The following B3GLCT variants were observed in gnomAD, a reference collection of about 807,000 sequenced individuals.
B3GLCT encodes the protein beta-1,3-glucosyltransferase.
A neutral mutation model predicts 63.4 loss-of-function variants in B3GLCT; 65 were observed. The ratio of observed to expected loss-of-function variants is 1.03; its 90% CI spans 0.84 to 1.26. The LOEUF (loss-of-function observed/expected upper bound fraction) is 1.26. Ranked by LOEUF, B3GLCT falls within the 50% of genes most tolerant of loss-of-function variation. The probability of loss-of-function intolerance (pLI) is 0.00; values close to 1 mark genes in which losing one functional copy is unlikely to be tolerated. For missense variants in B3GLCT, 577 were observed against 604.8 expected (o/e 0.95, Z 0.48); for synonymous variants, 233 against 219.2 (o/e 1.06, Z -0.55).
chr13:31,248,785 A>G (rs1871303116), intron 6 of B3GLCT, among the ~76,000 whole-genome samples: 1 of 152,226 alleles, frequency 6.6e-6, no homozygotes, highest in Non-Finnish European at 1.5e-5. Flanking sequence ...CCTAGCCCTT[A>G]GCAGAGTGTT....
At chr13:31,229,387 T>TCTCGTCTAAATAAAAACTG in intron 4 of B3GLCT, 93 bp downstream of exon 4, 1 of 805,660 alleles carries the variant, frequency 1.2e-6, no homozygotes, top group Non-Finnish European at 2.2e-6. Context: ...AATCAGTTTT[T>TCTCGTCTAAATAAAAACTG]ATTTAGACGA....
intron 6 of B3GLCT, among the ~76,000 whole-genome samples, chr13:31,256,040 A>G (rs556160906): frequency 1.3e-5 from 2 of 152,352 alleles, no homozygotes; most frequent in African/African-American, 2.4e-5. Flanking sequence ...TTTGCAATCT[A>G]TCCATCTGAC....
rs189206647 is a variant in B3GLCT at position 31,259,835 on chromosome 13, T to A, written c.460-1111T>A. Among the ~76,000 whole-genome samples, 1,004 of 152,020 alleles carry A rather than the reference T, an allele frequency of 6.6e-3. 12 individuals carry two copies. The highest frequency in any genetic ancestry group is 0.023 in the African/African-American group (969 of 41,472). ...CCTTTGTTGTTTTCTGTTTTTTTTTTAATTTTATTATTACTATACTTTAAG... is the reference window on the plus strand; with the variant it reads ...CCTTTGTTGTTTTCTGTTTTTTTTTAAATTTTATTATTACTATACTTTAAG... On this transcript the variant is annotated intron_variant, in intron 6 of 14. Transcript: ENST00000343307.
intron 5 of B3GLCT, 38 bp downstream of exon 5, chr13:31,247,137 C>G: frequency 1.4e-6 from 2 of 1,464,540 alleles, no homozygotes; most frequent in Non-Finnish European, 1.9e-6. Flanking sequence ...TACTGACATT[C>G]CTACCTGAAC....
intron 5 of B3GLCT, 51 bp downstream of exon 5, chr13:31,247,150 T>C (rs1215908300): frequency 1.2e-5 from 17 of 1,363,396 alleles, no homozygotes; most frequent in Non-Finnish European, 1.7e-5. Flanking sequence ...ACCTGAACAC[T>C]TTTACGCCCT....
intron 1 of B3GLCT, among the ~76,000 whole-genome samples, chr13:31,200,865 T>G (rs945961462): frequency 6.6e-6 from 1 of 152,096 alleles, no homozygotes; most frequent in Non-Finnish European, 1.5e-5. Flanking sequence ...CTGTCTCGGG[T>G]CTCCGCTGGG....
chr13:31,313,634 G>C (rs770262305), intron 12 of B3GLCT, among the ~76,000 whole-genome samples: 1 of 152,200 alleles, frequency 6.6e-6, no homozygotes, highest in Non-Finnish European at 1.5e-5. Flanking sequence ...GGGAAGCAGA[G>C]CATAAAAGTT....
chr13:31,242,353 T>C (rs1207043385), intron 4 of B3GLCT, among the ~76,000 whole-genome samples: 1 of 152,234 alleles, frequency 6.6e-6, no homozygotes, highest in African/African-American at 2.4e-5. Flanking sequence ...CATGAGAACA[T>C]GAGATCCAAT....
intron 12 of B3GLCT, among the ~76,000 whole-genome samples, chr13:31,301,373 G>A (rs1210450189): frequency 6.6e-6 from 1 of 152,148 alleles, no homozygotes; most frequent in Admixed American, 6.5e-5. Context: ...ATTTTAGCAA[G>A]TTCCATTAAT....
At chr13:31,234,346 A>G (rs1870536884) in intron 4 of B3GLCT, among the ~76,000 whole-genome samples, 1 of 152,142 alleles carries the variant, frequency 6.6e-6, no homozygotes, top group South Asian at 2.1e-4. Context: ...AGCAAGGTGG[A>G]AGAGCAGTGA....
chr13:31,287,306 A>G (rs1053254701), intron 12 of B3GLCT, among the ~76,000 whole-genome samples: 8 of 152,136 alleles, frequency 5.3e-5, no homozygotes, highest in Non-Finnish European at 8.8e-5. Context: ...TGAGGAAACT[A>G]CCCGATGCTG....
intron 6 of B3GLCT, among the ~76,000 whole-genome samples, chr13:31,250,941 G>A (rs954115173): frequency 8.5e-5 from 13 of 152,156 alleles, no homozygotes; most frequent in African/African-American, 2.9e-4. Context: ...AGTAGGGGCC[G>A]ACAGACACCT....
intron 12 of B3GLCT, among the ~76,000 whole-genome samples, chr13:31,294,024 T>A: frequency 6.6e-6 from 1 of 152,230 alleles, no homozygotes; most frequent in East Asian, 1.9e-4. Flanking sequence ...TCTCTCAGCA[T>A]TTGCTTGTTT....
chr13:31,326,970 A>T (rs1566101415), intron 14 of B3GLCT, among the ~76,000 whole-genome samples: 1 of 152,084 alleles, frequency 6.6e-6, no homozygotes. Context: ...TGTTAGATGC[A>T]TTTCTATCTT....
In B3GLCT at chr13:31,223,398, G is replaced by A. The variant is rs139526225; in HGVS notation, c.160+407G>A. On this transcript the variant is annotated intron_variant, in intron 3 of 14. Transcript: ENST00000343307. ...CATTAGCGCAGGCCGTCCGGGAGCA[G>A]GCTGTCCACTTGCTGACCTGCAGAC... 7.9e-5 allele frequency among the ~76,000 whole-genome samples: 12 copies of A among 152,298 alleles called. No homozygotes were observed. The East Asian group carries it at 2.3e-3, about 29-fold the overall frequency.
In B3GLCT at chr13:31,284,772, A is replaced by G; in HGVS notation, c.964+11A>G. ...CTAATACAGATAGAGGTGAGTCATA[A>G]TTCTTACTACTCTCCTTATTAAACA... On this transcript the variant is annotated intron_variant, in intron 11 of 14. Transcript: ENST00000343307. The G allele has an allele frequency of 7.7e-7, 1 of 1,294,394 alleles. No individual in the cohort carries two copies. The highest frequency in any genetic ancestry group is 1.1e-6 in the Non-Finnish European group (1 of 888,390). 80.2% of individuals were successfully genotyped at this position (1,294,394 alleles called of 1,614,324 possible).
chr13:31,241,224 C>T (rs917371766), intron 4 of B3GLCT, among the ~76,000 whole-genome samples: 5 of 152,332 alleles, frequency 3.3e-5, no homozygotes, highest in African/African-American at 1.2e-4. Context: ...GGGCTCAGCC[C>T]ATTAAGGCAG....
rs1335816863 is a variant in B3GLCT at position 31,205,591 on chromosome 13, A to T, written c.70+5437A>T. Among the ~76,000 whole-genome samples the T allele has an allele frequency of 2.6e-5, 4 of 151,938 alleles. No homozygotes were observed. The East Asian group carries it at 7.7e-4, about 29-fold the overall frequency. ...AAAAAAAGTTGGCGGGTCTGGCTAT[A>T]TTGCCCAGGCTGGACCTGAACTCCT... On this transcript the variant is annotated intron_variant, in intron 1 of 14. Transcript: ENST00000343307.
chr13:31,330,444 A>G lies in B3GLCT; in HGVS notation c.*776A>G, dbSNP rs1047482085. On this transcript the variant is annotated 3_prime_UTR_variant, in exon 15 of 15. Transcript: ENST00000343307. ...ATGCTGCCAGAAAATAGTGTCCTCA[A>G]TATTTTAAAACAATGTTGACATGTT... The G allele has an allele frequency of 5.9e-5, 9 of 152,150 alleles. No individual in the cohort carries two copies. The highest frequency in any genetic ancestry group is 2.0e-4 in the Admixed American group (3 of 15,274). 9.4% of individuals were successfully genotyped at this position (152,150 alleles called of 1,614,324 possible).
Sources: allele counts gnomAD v4.1 joint callset (sites outside exome capture counted in the v4.1 genomes callset), GRCh38; gene constraint gnomAD v4.1.1; transcripts MANE v1.5; gene names NCBI Gene and HGNC (gene_info 2026-07-23, HGNC 2026-07-21).